The following OR7G2 variants were observed in gnomAD, a reference collection of about 807,000 sequenced individuals.
The protein encoded by OR7G2 is olfactory receptor 7G2.
For synonymous variants in OR7G2, 153 were observed against 152.2 expected, an observed-to-expected ratio of 1.01 and a Z score of -0.04; for missense variants, 362 against 384.0, an observed-to-expected ratio of 0.94 and a Z score of 0.48.
Position 9,103,088 on chromosome 19 carries a change from GT to G in OR7G2, c.155del (p.Asp52AlafsTer22). On this transcript the variant is annotated frameshift_variant, in exon 2 of 2. Transcript: ENST00000641081. LOFTEE classifies it low-confidence loss of function (END_TRUNC). ...NLLILLAVIS[D>X]SHLHTPMYFF... ...AGTACATGGGGGTGTGGAGGTGAGA[GT>G]CAGAGATGACAGCCAAGAGGATGAG... 6.2e-7 allele frequency: 1 copy of G among 1,614,112 alleles called. No individual in the cohort carries two copies. The highest frequency in any genetic ancestry group is 8.5e-7 in the Non-Finnish European group (1 of 1,180,002).
chr19:9,106,736 C>CAAAAAAAAAA (rs35689167), intron 1 of OR7G2, among the ~76,000 whole-genome samples: 1 of 118,726 alleles, frequency 8.4e-6, no homozygotes. Flanking sequence ...GATTCCATCT[C>CAAAAAAAAAA]AAAAAAAAAA....
At chr19:9,106,497 T>C (rs2050387130) in intron 1 of OR7G2, among the ~76,000 whole-genome samples, 1 of 150,978 alleles carries the variant, frequency 6.6e-6, no homozygotes, top group Admixed American at 6.6e-5. Context: ...GTAAAAAATA[T>C]TTTTATTGCA....
At chr19:9,106,012 G>A (rs527744157) in intron 1 of OR7G2, among the ~76,000 whole-genome samples, 28 of 152,116 alleles carry the variant, frequency 1.8e-4, no homozygotes, top group East Asian at 7.7e-4. Flanking sequence ...AATTCTAAAC[G>A]TTTTTGAACC....
intron 1 of OR7G2, among the ~76,000 whole-genome samples, chr19:9,106,318 G>A (rs2050385640): frequency 6.6e-6 from 1 of 151,924 alleles, no homozygotes; most frequent in Admixed American, 6.6e-5. Flanking sequence ...CCAGCTACTT[G>A]GGAGGCTGAG....
At position 9,103,012 on chromosome 19, in the gene OR7G2, T is replaced by C. The variant is rs1466302652; in HGVS notation, c.232A>G (p.Ile78Val). 6.2e-7 allele frequency: 1 copy of C among 1,614,096 alleles called. No individual in the cohort carries two copies. The highest frequency in any genetic ancestry group is 1.7e-5 in the Admixed American group (1 of 59,976). The change falls in exon 2 of 2, where the codon ATC becomes GTC. Residue 78 changes from isoleucine to valine, a missense_variant. Physicochemically the swap from Ile to Val is conservative, Grantham distance 29. Coordinates refer to ENST00000641081, the MANE Select transcript of OR7G2 (RefSeq NM_001005193.2). ...FLDICLSTTT[I>V]PKMLVNIQAQ... ...TGGATGTTCACCAGCATCTTTGGGA[T>C]CGTGGTTGTGCTTAAACAAATGTCC...
At chr19:9,103,360 G>T in intron 1 of OR7G2, 101 bp from the exon 2 acceptor site, 1 of 1,132,534 alleles carries the variant, frequency 8.8e-7, no homozygotes, top group Non-Finnish European at 1.3e-6. Context: ...CAGACTTCTT[G>T]CTGATAAACT....
intron 1 of OR7G2, among the ~76,000 whole-genome samples, chr19:9,104,490 A>G (rs2050374770): frequency 6.6e-6 from 1 of 152,196 alleles, no homozygotes; most frequent in Admixed American, 6.6e-5. Context: ...AGTTTGTGTC[A>G]TTCTTAAACT....
At position 9,107,439 on chromosome 19, in the gene OR7G2, G is replaced by A. The variant is rs1271645837; in HGVS notation, c.-142C>T. The A allele has an allele frequency of 2.6e-5, 4 of 152,116 alleles. No homozygotes were observed. Among genetic ancestry groups the A allele is most frequent in the African/African-American group, 9.7e-5 (4 of 41,416 alleles). The allele number at this position is 152,116 out of a possible 1,614,324, so 9.4% of individuals were successfully genotyped here. A position where few individuals can be genotyped will look rare whatever the true frequency, so the allele number is the denominator to read the frequency against. ...AGCTGGGTAAGAGATGTTCAGTGAG[G>A]TGCTTACAGCCTGACTTGTTGCACT... On this transcript the variant is annotated 5_prime_UTR_variant, in exon 1 of 2. Coordinates refer to ENST00000641081, the MANE Select transcript of OR7G2 (RefSeq NM_001005193.2).
At chr19:9,107,054 A>C (rs2050390290) in intron 1 of OR7G2, among the ~76,000 whole-genome samples, 1 of 152,056 alleles carries the variant, frequency 6.6e-6, no homozygotes, top group Admixed American at 6.6e-5. Context: ...AAATTTAAAA[A>C]TTTGCAAAGT....
At chr19:9,103,696 T>TACTA (rs2050369310) in intron 1 of OR7G2, among the ~76,000 whole-genome samples, 1 of 150,086 alleles carries the variant, frequency 6.7e-6, no homozygotes, top group Non-Finnish European at 1.5e-5. Context: ...TGTGTGTGTT[T>TACTA]TTAGTAGAGA....
At position 9,102,170 on chromosome 19, in the gene OR7G2, C is replaced by G. The variant is rs2050357267; in HGVS notation, c.*99G>C. 2.2e-5 allele frequency: 25 copies of G among 1,152,802 alleles called. No individual in the cohort carries two copies. The highest frequency in any genetic ancestry group is 3.1e-5 in the Non-Finnish European group (25 of 819,652). The allele number at this position is 1,152,802 out of a possible 1,614,324, so 71.4% of individuals were successfully genotyped here. ...TGAGCCGAGGTCGTGCCATTGCACT[C>G]CAGCCTGGGAGACAGAGAAAGACTC... On this transcript the variant is annotated 3_prime_UTR_variant, in exon 2 of 2. Transcript: ENST00000641081.
Position 9,101,853 on chromosome 19 carries a change from T to G in OR7G2, c.*416A>C. Reference sequence around the variant, plus strand: ...AGCAAAGTCAGATTTCAAGCCGGAGTGGAAATGTAGTTGGCTTTTATGTCA... The same window carrying G: ...AGCAAAGTCAGATTTCAAGCCGGAGGGGAAATGTAGTTGGCTTTTATGTCA... On this transcript the variant is annotated 3_prime_UTR_variant, in exon 2 of 2. Transcript: ENST00000641081. 1 of 157,474 alleles carries G rather than the reference T, an allele frequency of 6.4e-6. No individual in the cohort carries two copies. Among genetic ancestry groups the G allele is most frequent in the South Asian group, 2.0e-4 (1 of 5,084 alleles). The allele number at this position is 157,474 out of a possible 1,614,324, so 9.8% of individuals were successfully genotyped here. A position where few individuals can be genotyped will look rare whatever the true frequency, so the allele number is the denominator to read the frequency against.
intron 1 of OR7G2, among the ~76,000 whole-genome samples, chr19:9,103,705 G>T (rs2050369335): frequency 6.7e-6 from 1 of 148,932 alleles, no homozygotes; most frequent in African/African-American, 2.5e-5. Context: ...TTTTAGTAGA[G>T]ACGGCGGGGG....
At position 9,103,180 on chromosome 19, in the gene OR7G2, C is replaced by T. The variant is rs2050365803; in HGVS notation, c.64G>A (p.Glu22Lys). 1 of 1,614,102 alleles carries T rather than the reference C, an allele frequency of 6.2e-7. No individual in the cohort carries two copies. Among genetic ancestry groups the T allele is most frequent in the African/African-American group, 1.3e-5 (1 of 75,032 alleles). The part of the protein sequence containing the change: ...FLLLGLIEDP[E>K]LQPVLFSLFL... ...AGGCTGAAAAGGACGGGCTGCAGTT[C>T]CGGATCCTCTATCAGTCCCAGGAGA... The change falls in exon 2 of 2, where the codon GAA (glutamate) becomes AAA (lysine). Residue 22 changes from glutamate (E) to lysine (K), a missense_variant. By Grantham distance (56) the Glu-to-Lys change is moderately conservative. Coordinates refer to ENST00000641081, the MANE Select transcript of OR7G2 (RefSeq NM_001005193.2).
Position 9,102,496 on chromosome 19 carries a change from A to C in OR7G2, c.748T>G (p.Leu250Val). Reference sequence around the variant, plus strand: ...ACCCCCAAACCTGCCCCATAGAACAAGAGAACAATGGAGAGGTGAGACCCA... The same window carrying C: ...ACCCCCAAACCTGCCCCATAGAACACGAGAACAATGGAGAGGTGAGACCCA... ...TCGSHLSIVLLFYGAGLGVYI... is the reference protein window; with the variant it reads ...TCGSHLSIVLVFYGAGLGVYI... The change falls in exon 2 of 2, where the codon TTG becomes GTG. Residue 250 changes from leucine (L) to valine (V), a missense_variant. Coordinates refer to ENST00000641081, the MANE Select transcript of OR7G2 (RefSeq NM_001005193.2). The C allele has an allele frequency of 6.2e-7, 1 of 1,614,122 alleles. No individual in the cohort carries two copies. Among genetic ancestry groups the C allele is most frequent in the Non-Finnish European group, 8.5e-7 (1 of 1,179,972 alleles).
intron 1 of OR7G2, among the ~76,000 whole-genome samples, chr19:9,103,751 A>G (rs942622108): frequency 6.7e-6 from 1 of 150,146 alleles, no homozygotes; most frequent in Non-Finnish European, 1.5e-5. Flanking sequence ...CTGATCTCGA[A>G]CTCCTGACCT....
At chr19:9,106,464 A>AT (rs60567293) in intron 1 of OR7G2, among the ~76,000 whole-genome samples, 43,505 of 148,564 alleles carry the variant, frequency 0.29, 7,130 homozygotes, top group East Asian at 0.59. Flanking sequence ...ACCATCCTTG[A>AT]TTAGATATTT....
intron 1 of OR7G2, among the ~76,000 whole-genome samples, chr19:9,104,610 G>A (rs190836821): frequency 6.6e-6 from 1 of 151,900 alleles, no homozygotes; most frequent in African/African-American, 2.4e-5. Context: ...GGCAGATCAC[G>A]GGGTCAGGCA....
rs757516602 is a variant in OR7G2 at position 9,102,442 on chromosome 19, G to A, written c.802C>T (p.Pro268Ser). 6.2e-7 allele frequency: 1 copy of A among 1,613,930 alleles called. No individual in the cohort carries two copies. The highest frequency in any genetic ancestry group is 1.1e-5 in the South Asian group (1 of 91,070). Residue 268 changes from proline to serine, a missense_variant, in exon 2 of 2, where the codon CCT becomes TCT. Transcript: ENST00000641081. ...ACTGAAGCCACTGCAGTCTTCCTAGGTGAGTCAGTAACCACAGAACTAATG... is the reference window on the plus strand; with the variant it reads ...ACTGAAGCCACTGCAGTCTTCCTAGATGAGTCAGTAACCACAGAACTAATG... ...VYISSVVTDS[P>S]RKTAVASVMY...
Sources: gnomAD v4.1 joint callset for allele counts (sites outside exome capture counted in the v4.1 genomes callset) on GRCh38, gnomAD v4.1.1 for gene constraint, MANE v1.5 for transcripts, NCBI Gene and HGNC (gene_info 2026-07-23, HGNC 2026-07-21) for gene names.